SNX13: variants seen among roughly 807,000 people sequenced by gnomAD.
SNX13 encodes sorting nexin 13, also known as sorting nexin-13.
SNX13 carries 45 observed loss-of-function variants against 133.6 expected under a neutral mutation model. That is an observed-to-expected ratio of 0.34 (90% CI 0.27 to 0.43). The LOEUF (loss-of-function observed/expected upper bound fraction) is 0.43. Among genes scored for constraint, SNX13 ranks in the 20% least tolerant of loss-of-function variants. The probability of loss-of-function intolerance (pLI) is 1.00; values close to 1 mark genes in which losing one functional copy is unlikely to be tolerated. For missense variants in SNX13, 1,032 were observed against 1,145.1 expected, an observed-to-expected ratio of 0.90 and a Z score of 1.43; for synonymous variants, 414 against 373.9, an observed-to-expected ratio of 1.11 and a Z score of -1.24.
At chr7:17,865,336 T>C (rs1460395751) in intron 9 of SNX13, among the ~76,000 whole-genome samples, 1 of 152,190 alleles carries the variant, frequency 6.6e-6, no homozygotes, top group African/African-American at 2.4e-5. Flanking sequence ...AAATCAATAG[T>C]GTTTCTATGT....
intron 5 of SNX13, among the ~76,000 whole-genome samples, chr7:17,876,575 A>C (rs991490010): frequency 1.0e-3 from 26 of 25,152 alleles, no homozygotes; most frequent in Non-Finnish European, 1.1e-3. Context: ...CTATCTCATC[A>C]AAAAAAAAAA....
At chr7:17,904,578 G>A (rs1384896220) in intron 1 of SNX13, among the ~76,000 whole-genome samples, 2 of 152,058 alleles carry the variant, frequency 1.3e-5, no homozygotes, top group Non-Finnish European at 2.9e-5. Flanking sequence ...ACCATAGAAA[G>A]GAACTTCGAC....
intron 5 of SNX13, chr7:17,882,208 G>C (rs1356320384): frequency 1.3e-5 from 2 of 152,124 alleles, no homozygotes; most frequent in African/African-American, 4.8e-5. Context: ...CCAACTGTGA[G>C]CTGGAGTAGG....
chr7:17,850,331 A>T lies in SNX13; in HGVS notation c.1065+16T>A. 1 of 1,552,344 alleles carries T rather than the reference A, an allele frequency of 6.4e-7. No homozygotes were observed. The highest frequency in any genetic ancestry group is 8.8e-7 in the Non-Finnish European group (1 of 1,142,400). The stretch of plus-strand genomic sequence containing the variant: ...GTATTTATAACTAAACGTTAATTCA[A>T]AACTACTTTACTTACTTTGCCTGAC... On this transcript the variant is annotated intron_variant, in intron 11 of 25. Coordinates refer to ENST00000428135, the MANE Select transcript of SNX13 (RefSeq NM_015132.5).
chr7:17,892,264 A>G (rs1796705205), intron 3 of SNX13, among the ~76,000 whole-genome samples: 1 of 152,050 alleles, frequency 6.6e-6, no homozygotes, highest in South Asian at 2.1e-4. Context: ...ATATTTTTTC[A>G]TAAGACATAC....
Position 17,796,836 on chromosome 7 carries a change from T to G in SNX13, c.2617A>C (p.Ile873Leu), listed in dbSNP as rs772372973. Residue 873 changes from isoleucine to leucine, a missense_variant, in exon 25 of 26, where the codon ATT becomes CTT. Physicochemically the swap from Ile to Leu is conservative, Grantham distance 5. Transcript: ENST00000428135. ...ATACATGCTCACTCACCTGGCATAA[T>G]TGCAAGTAATTTCGTTTTTCCTGCT... ...RVAGKTKLLAIMPDELKHIIG... is the reference protein window; with the variant it reads ...RVAGKTKLLALMPDELKHIIG... 3.1e-6 allele frequency: 5 copies of G among 1,605,320 alleles called. No homozygotes were observed. The African/African-American group carries it at 4.0e-5, about 13-fold the overall frequency.
At chr7:17,803,920 G>C (rs1031771416) in intron 20 of SNX13, among the ~76,000 whole-genome samples, 1 of 146,334 alleles carries the variant, frequency 6.8e-6, no homozygotes, top group South Asian at 2.3e-4. Context: ...TATTGGTAAT[G>C]TTGGTACACA....
chr7:17,805,693 A>G (rs1785212789), intron 20 of SNX13, among the ~76,000 whole-genome samples: 1 of 152,210 alleles, frequency 6.6e-6, no homozygotes, highest in African/African-American at 2.4e-5. Context: ...ATACTATCTC[A>G]CATGCTTATC....
intron 9 of SNX13, among the ~76,000 whole-genome samples, chr7:17,867,926 C>A (rs1037303840): frequency 2.0e-5 from 3 of 152,010 alleles, no homozygotes; most frequent in African/African-American, 7.2e-5. Context: ...ATATGTCTGA[C>A]AGAAGAAAAC....
intron 25 of SNX13, chr7:17,794,509 T>C (rs1377978807): frequency 1.1e-5 from 6 of 538,242 alleles, no homozygotes; most frequent in African/African-American, 3.8e-5. Context: ...TGGGAGACAA[T>C]ATAGCACAGG....
At chr7:17,818,500 T>G (rs1786924540) in intron 18 of SNX13, among the ~76,000 whole-genome samples, 1 of 152,104 alleles carries the variant, frequency 6.6e-6, no homozygotes, top group Non-Finnish European at 1.5e-5. Context: ...ATGTGAAAAT[T>G]TATACTCTAT....
chr7:17,807,269 G>T (rs1397461345), intron 20 of SNX13, among the ~76,000 whole-genome samples: 1 of 152,044 alleles, frequency 6.6e-6, no homozygotes, highest in Non-Finnish European at 1.5e-5. Context: ...GAGCTTGGTG[G>T]GGGGAGGGGC....
intron 1 of SNX13, among the ~76,000 whole-genome samples, chr7:17,932,689 A>G (rs149213955): frequency 1.7e-3 from 266 of 152,344 alleles, no homozygotes; most frequent in African/African-American, 6.0e-3. Context: ...TGGGAACAGC[A>G]GGATCAAGTA....
chr7:17,806,573 A>C (rs1407664502), intron 20 of SNX13, among the ~76,000 whole-genome samples: 1 of 152,216 alleles, frequency 6.6e-6, no homozygotes. Context: ...AATATGGTTT[A>C]TGAAAAATGT....
At chr7:17,893,216 C>T (rs950647649) in intron 3 of SNX13, 116 bp downstream of exon 3, 8 of 587,596 alleles carry the variant, frequency 1.4e-5, no homozygotes, top group Middle Eastern at 2.6e-4. Flanking sequence ...ACATAAATTC[C>T]CAGTGAGCAT....
chr7:17,939,741 C>T (rs1203604778), intron 1 of SNX13, among the ~76,000 whole-genome samples: 1 of 152,194 alleles, frequency 6.6e-6, no homozygotes, highest in Admixed American at 6.5e-5. Flanking sequence ...AGGGGGATGA[C>T]CCAACTGAGC....
chr7:17,922,806 C>G (rs1200759447), intron 1 of SNX13, among the ~76,000 whole-genome samples: 2 of 152,098 alleles, frequency 1.3e-5, no homozygotes, highest in Admixed American at 6.6e-5. Context: ...ACATAATTCA[C>G]AACACTACCT....
Position 17,850,400 on chromosome 7 carries a change from G to A in SNX13, c.1012C>T (p.Leu338=), listed in dbSNP as rs767564041. Residue 338 remains leucine (L), a synonymous_variant, in exon 11 of 26, where the codon CTA becomes TTA. Transcript: ENST00000428135. ...GAGTCACATACCTTCTTTACGAATA[G>A]TAAGCTATTTATTTGATTTTTGATA... is the stretch of plus-strand genomic sequence containing the variant. The part of the protein sequence containing the change: ...NTIKNQINSL[L]FVKKVCDSRI... The A allele has an allele frequency of 6.3e-7, 1 of 1,591,944 alleles. No individual in the cohort carries two copies. Among genetic ancestry groups the A allele is most frequent in the South Asian group, 1.2e-5 (1 of 86,818 alleles).
intron 9 of SNX13, among the ~76,000 whole-genome samples, chr7:17,856,204 T>C (rs1219172202): frequency 6.6e-6 from 1 of 152,070 alleles, no homozygotes; most frequent in Non-Finnish European, 1.5e-5. Flanking sequence ...TTTACAATTT[T>C]CTTTGTTTCT....
Sources: allele counts gnomAD v4.1 joint callset (sites outside exome capture counted in the v4.1 genomes callset), GRCh38; gene constraint gnomAD v4.1.1; transcripts MANE v1.5; gene names NCBI Gene and HGNC (gene_info 2026-07-23, HGNC 2026-07-21).